Variants in CNOT3 observed in about 807,000 individuals in gnomAD.
CNOT3 encodes the protein CCR4-NOT transcription complex subunit 3.
A neutral mutation model predicts 89.4 loss-of-function variants in CNOT3; 2 were observed. That is an observed-to-expected ratio of 0.02 (90% CI 0.01 to 0.07). The LOEUF (loss-of-function observed/expected upper bound fraction) is 0.07. CNOT3 is among the 10% of genes least tolerant of loss of function. The pLI, the probability that CNOT3 is intolerant of heterozygous loss-of-function variation, is 1.00. For missense variants in CNOT3, 664 were observed against 1,010.2 expected (o/e 0.66, Z 4.65); for synonymous variants, 486 against 402.0 (o/e 1.21, Z -2.50).
intron 1 of CNOT3, among the ~76,000 whole-genome samples, chr19:54,138,701 G>A (rs2074325241): frequency 6.6e-6 from 1 of 152,240 alleles, no homozygotes; most frequent in African/African-American, 2.4e-5. Flanking sequence ...CCCGTTAGTT[G>A]GAGCCTTTGC....
chr19:54,152,099 T>C (rs35661899), intron 13 of CNOT3, 127 bp from the exon 14 acceptor site: 2 of 835,752 alleles, frequency 2.4e-6, no homozygotes, highest in East Asian at 2.6e-5. Context: ...GGGTAGATTG[T>C]GGGGAGTGGG....
At chr19:54,147,111 G>T (rs1458754289) in intron 10 of CNOT3, among the ~76,000 whole-genome samples, 3 of 152,224 alleles carry the variant, frequency 2.0e-5, no homozygotes, top group Non-Finnish European at 4.4e-5. Flanking sequence ...AGTCCAATAA[G>T]CCTAGGAAGC....
At chr19:54,154,351 G>A in intron 17 of CNOT3, 1 of 265,520 alleles carries the variant, frequency 3.8e-6, no homozygotes, top group Non-Finnish European at 7.7e-6. Flanking sequence ...AACCTACCTG[G>A]GTTTCAGCCC....
chr19:54,155,513 A>C lies in CNOT3; in HGVS notation c.*106A>C. On this transcript the variant is annotated 3_prime_UTR_variant, in exon 18 of 18. Transcript: ENST00000221232. The stretch of plus-strand genomic sequence containing the variant: ...GGAGGGAGGCCCCAAGCCACGGGGC[A>C]TCCCCCTCTCCCAGGAAGCAGGGAG... The C allele has an allele frequency of 2.2e-6, 2 of 921,032 alleles. No homozygotes were observed. Among genetic ancestry groups the C allele is most frequent in the Non-Finnish European group, 1.6e-6 (1 of 616,692 alleles). The allele number at this position is 921,032 out of a possible 1,614,324, so 57.1% of individuals were successfully genotyped here.
rs761640842 is a variant in CNOT3 at position 54,153,059 on chromosome 19, C to T, written c.2037+60C>T. The T allele has an allele frequency of 9.1e-6, 14 of 1,543,488 alleles. No individual in the cohort carries two copies. In the African/African-American group the frequency reaches 9.5e-5, roughly 11 times the overall value. On this transcript the variant is annotated intron_variant, in intron 16 of 17. Coordinates refer to ENST00000221232, the MANE Select transcript of CNOT3 (RefSeq NM_014516.4). ...CCGGCTTCGCCGCCACCGCCGCCGT[C>T]CCCCCTCGGGCTGGAGGGGTGAGGT...
chr19:54,143,223 G>T (rs781110054), intron 3 of CNOT3, 37 bp downstream of exon 3: 1 of 1,583,840 alleles, frequency 6.3e-7, no homozygotes, highest in Admixed American at 1.7e-5. Flanking sequence ...TGGGTCTTCA[G>T]AGAGGAGGGC....
chr19:54,139,442 A>C (rs988734625), intron 1 of CNOT3, among the ~76,000 whole-genome samples: 2 of 152,058 alleles, frequency 1.3e-5, no homozygotes, highest in African/African-American at 2.4e-5. Context: ...GAGAGTAGGA[A>C]GCTTCCTAGA....
Position 54,144,166 on chromosome 19 carries a change from C to T in CNOT3, c.387+32C>T. 2 of 1,609,706 alleles carry T rather than the reference C, an allele frequency of 1.2e-6. No individual in the cohort carries two copies. The highest frequency in any genetic ancestry group is 1.7e-6 in the Non-Finnish European group (2 of 1,177,396). On this transcript the variant is annotated intron_variant, in intron 6 of 17. Transcript: ENST00000221232. This position sits in a 1 kb window ranked among gnomAD's most constrained non-coding sequence, Gnocchi z 4.8. ...TGGGGTAGAGAAGAGGAGGTGAACT[C>T]TGAGGATCCTGAGCCCTGGGTGTAG...
In CNOT3 at chr19:54,145,585, G is replaced by C. The variant is rs1442693983; in HGVS notation, c.484-13G>C. ...TCTGCAGCCCCTGAGCCTGGCCCTG[G>C]GCTCGCCAGCAGAAGCAGGACCGGA... On this transcript the variant is annotated splice_polypyrimidine_tract_variant and intron_variant, in intron 7 of 17. Coordinates refer to ENST00000221232, the MANE Select transcript of CNOT3 (RefSeq NM_014516.4). The surrounding 1 kb of genome is among the most constrained non-coding windows in gnomAD (Gnocchi z 5.9). The C allele has an allele frequency of 6.2e-7, 1 of 1,607,440 alleles. No homozygotes were observed. The highest frequency in any genetic ancestry group is 8.5e-7 in the Non-Finnish European group (1 of 1,174,612).
At chr19:54,149,252 G>A (rs1165683725) in intron 12 of CNOT3, among the ~76,000 whole-genome samples, 1 of 152,182 alleles carries the variant, frequency 6.6e-6, no homozygotes, top group Non-Finnish European at 1.5e-5. Flanking sequence ...CTGCCCAAGG[G>A]GGAGTGGGCC....
chr19:54,146,157 T>A, intron 9 of CNOT3, 114 bp downstream of exon 9: 1 of 1,150,896 alleles, frequency 8.7e-7, no homozygotes, highest in African/African-American at 1.5e-5. Context: ...AACACAGATC[T>A]AGGTATCCAG....
rs2075362477 is a variant in CNOT3 at position 54,155,614 on chromosome 19, T to C, written c.*207T>C. 3 of 1,210,590 alleles carry C rather than the reference T, an allele frequency of 2.5e-6. No homozygotes were observed. The highest frequency in any genetic ancestry group is 3.5e-6 in the Non-Finnish European group (3 of 868,248). 75.0% of individuals were successfully genotyped at this position (1,210,590 alleles called of 1,614,324 possible). A position where few individuals can be genotyped will look rare whatever the true frequency, so the allele number is the denominator to read the frequency against. The stretch of plus-strand genomic sequence containing the variant: ...GGCTGCCCCCTCCTCCCCTCCCCAG[T>C]GAGGGACATTTTTTGGTAAACCTAT... On this transcript the variant is annotated 3_prime_UTR_variant, in exon 18 of 18. Coordinates refer to ENST00000221232, the MANE Select transcript of CNOT3 (RefSeq NM_014516.4).
At chr19:54,140,506 C>T (rs1256042621) in intron 1 of CNOT3, among the ~76,000 whole-genome samples, 1 of 152,152 alleles carries the variant, frequency 6.6e-6, no homozygotes, top group Non-Finnish European at 1.5e-5. Flanking sequence ...GAGACTCAGG[C>T]TCCAGCTTCC....
In CNOT3 at chr19:54,143,295, C is replaced by G. The variant is rs1009095173; in HGVS notation, c.93+109C>G. On this transcript the variant is annotated intron_variant, in intron 3 of 17. Transcript: ENST00000221232. ...GCGGGAGGGGCTACATATGCAGATG[C>G]TGAGGACCTAAGAGAATCAGCTCTA... 3.0e-5 allele frequency: 34 copies of G among 1,122,346 alleles called. 1 individual carries two copies. The Admixed American group carries it at 3.3e-4, about 11-fold the overall frequency. 69.5% of individuals were successfully genotyped at this position (1,122,346 alleles called of 1,614,324 possible).
At position 54,149,723 on chromosome 19, in the gene CNOT3, G is replaced by A; in HGVS notation, c.1570G>A (p.Gly524Arg). The change falls in exon 13 of 18, where the codon GGG (glycine) becomes AGG (arginine). Residue 524 changes from glycine to arginine, a missense_variant. By Grantham distance (125) the Gly-to-Arg change is moderately radical (BLOSUM62 -2). Transcript: ENST00000221232. ...DAKAAGALLN[G>R]PPQFSTAPEI... Reference sequence around the variant, plus strand: ...CAAGGCAGCCGGTGCCCTGCTCAATGGGCCTCCACAGTTCAGCACCGCCCC... The same window carrying A: ...CAAGGCAGCCGGTGCCCTGCTCAATAGGCCTCCACAGTTCAGCACCGCCCC... 1 of 1,613,622 alleles carries A rather than the reference G, an allele frequency of 6.2e-7. No homozygotes were observed. Among genetic ancestry groups the A allele is most frequent in the East Asian group, 2.2e-5 (1 of 44,828 alleles).
chr19:54,150,551 T>TG (rs1291479787), intron 13 of CNOT3, among the ~76,000 whole-genome samples: 1 of 152,118 alleles, frequency 6.6e-6, no homozygotes, highest in Admixed American at 6.5e-5. Context: ...GCAGCTTCCA[T>TG]GGGGGGACCA....
intron 16 of CNOT3, chr19:54,153,362 C>T: frequency 1.3e-6 from 1 of 764,194 alleles, no homozygotes; most frequent in Non-Finnish European, 2.4e-6. Flanking sequence ...CTGGAGACCA[C>T]TGGGGAGCTG....
chr19:54,144,003 C>T lies in CNOT3; in HGVS notation c.259-3C>T. On this transcript the variant is annotated splice_region_variant and splice_polypyrimidine_tract_variant and intron_variant, in intron 5 of 17. Coordinates refer to ENST00000221232, the MANE Select transcript of CNOT3 (RefSeq NM_014516.4). This position sits in a 1 kb window ranked among gnomAD's most constrained non-coding sequence, Gnocchi z 4.8. ...GCCCCCCTGCCAACTGCACTCTCTA[C>T]AGCAAATGGAACGGTTCAAAGTTGT... The T allele has an allele frequency of 1.9e-6, 3 of 1,593,170 alleles. No individual in the cohort carries two copies. The highest frequency in any genetic ancestry group is 2.6e-6 in the Non-Finnish European group (3 of 1,174,672).
chr19:54,152,774 C>A, intron 15 of CNOT3, 93 bp from the exon 16 acceptor site: 1 of 854,334 alleles, frequency 1.2e-6, no homozygotes. Flanking sequence ...CTTTCTGTAC[C>A]ACCTCCCCCC....
Sources: allele counts gnomAD v4.1 joint callset (sites outside exome capture counted in the v4.1 genomes callset), GRCh38; gene constraint gnomAD v4.1.1; non-coding constraint Gnocchi (gnomAD v3.1); transcripts MANE v1.5; gene names NCBI Gene and HGNC (gene_info 2026-07-23, HGNC 2026-07-21).